The following SCAF4 variants were observed in gnomAD, a reference collection of about 807,000 sequenced individuals.
SCAF4 encodes SR-related CTD associated factor 4.
SCAF4 carries 25 observed loss-of-function variants against 129.8 expected under a neutral mutation model. That is an observed-to-expected ratio of 0.19 (90% CI 0.14 to 0.27). SCAF4 has a LOEUF of 0.27. Among genes scored for constraint, SCAF4 ranks in the 10% least tolerant of loss-of-function variants. The probability of loss-of-function intolerance (pLI) is 1.00; values close to 1 mark genes in which losing one functional copy is unlikely to be tolerated. For missense variants in SCAF4, 1,246 were observed against 1,457.1 expected (o/e 0.86, Z 2.36); for synonymous variants, 551 against 497.7 (o/e 1.11, Z -1.43).
In SCAF4 at chr21:31,731,938, C is replaced by T; in HGVS notation, c.-246G>A. On this transcript the variant is annotated 5_prime_UTR_variant, in exon 1 of 20. Transcript: ENST00000286835. ...GATGAGGAAAAGGAGGCGGCGGCAG[C>T]GCTGGTCTTCAACATGTCCGTTTGG... is the stretch of plus-strand genomic sequence containing the variant. 2.0e-6 allele frequency: 1 copy of T among 490,436 alleles called. No homozygotes were observed. The highest frequency in any genetic ancestry group is 3.5e-6 in the Non-Finnish European group (1 of 283,020). The allele number at this position is 490,436 out of a possible 1,614,324, so 30.4% of individuals were successfully genotyped here.
intron 7 of SCAF4, among the ~76,000 whole-genome samples, chr21:31,699,725 A>C (rs2050476194): frequency 6.6e-6 from 1 of 152,204 alleles, no homozygotes; most frequent in South Asian, 2.1e-4. Flanking sequence ...CAAAGGCATC[A>C]GTTCTGATTT....
chr21:31,726,510 G>A (rs1052614054), intron 1 of SCAF4, among the ~76,000 whole-genome samples: 8 of 151,840 alleles, frequency 5.3e-5, no homozygotes, highest in African/African-American at 1.9e-4. Flanking sequence ...GAAAAAAATT[G>A]AAAAATTAGC....
intron 19 of SCAF4, chr21:31,684,260 G>A (rs4816408): frequency 0.48 from 73,634 of 153,072 alleles, 18,401 homozygotes; most frequent in East Asian, 0.84. Flanking sequence ...TTAACTTCCA[G>A]TTAGGGGATT....
intron 19 of SCAF4, among the ~76,000 whole-genome samples, chr21:31,676,963 T>C (rs1014958689): frequency 5.3e-5 from 8 of 152,216 alleles, no homozygotes; most frequent in African/African-American, 1.7e-4. Context: ...TGTGGTCCTG[T>C]GTGACTGACT....
intron 19 of SCAF4, among the ~76,000 whole-genome samples, chr21:31,676,659 CTGTCT>C (rs1817533423): frequency 6.6e-6 from 1 of 152,180 alleles, no homozygotes; most frequent in Admixed American, 6.5e-5. Context: ...CTCCTTCATC[CTGTCT>C]ACTCTTAGTT....
intron 2 of SCAF4, 24 bp downstream of exon 2, chr21:31,706,250 C>G: frequency 6.9e-7 from 1 of 1,441,078 alleles, no homozygotes; most frequent in Non-Finnish European, 9.6e-7. Context: ...AAAGATTTCT[C>G]AAATTGCTTT....
At position 31,692,232 on chromosome 21, in the gene SCAF4, T is replaced by C. The variant is rs201033119; in HGVS notation, c.1614+117A>G. On this transcript the variant is annotated intron_variant, in intron 13 of 19. Transcript: ENST00000286835. Reference sequence around the variant, plus strand: ...TAAACGTGGACTCTGAACACCTAAATTCTAGTCACATCTATAAACCTGGGC... The same window carrying C: ...TAAACGTGGACTCTGAACACCTAAACTCTAGTCACATCTATAAACCTGGGC... The C allele has an allele frequency of 2.2e-4, 157 of 710,498 alleles. 1 individual carries two copies. In the East Asian group the frequency reaches 4.1e-3, roughly 19 times the overall value. 44.0% of individuals were successfully genotyped at this position (710,498 alleles called of 1,614,324 possible).
chr21:31,703,494 T>C (rs2050582528), intron 4 of SCAF4, among the ~76,000 whole-genome samples: 1 of 152,076 alleles, frequency 6.6e-6, no homozygotes, highest in South Asian at 2.1e-4. Context: ...ATGTTTCCCT[T>C]ACCCCTAGTC....
chr21:31,672,484 G>A, intron 19 of SCAF4, 130 bp from the exon 20 acceptor site: 1 of 762,986 alleles, frequency 1.3e-6, no homozygotes, highest in Non-Finnish European at 2.2e-6. Context: ...TTGCCACTCT[G>A]TCACAAACCC....
chr21:31,692,200 A>G, intron 13 of SCAF4, 149 bp downstream of exon 13: 2 of 610,438 alleles, frequency 3.3e-6, no homozygotes, highest in Middle Eastern at 5.5e-4. Context: ...TTAAATACAG[A>G]TAATTCTAAA....
rs1315088152 is a variant in SCAF4 at position 31,671,241 on chromosome 21, T to C, written c.*158A>G. On this transcript the variant is annotated 3_prime_UTR_variant, in exon 20 of 20. Coordinates refer to ENST00000286835, the MANE Select transcript of SCAF4 (RefSeq NM_020706.2). ...TCAGTATTTTTTGTTATTTTGTGGC[T>C]ATTTTTAAATAGAAGGGAAGCAATC... The C allele has an allele frequency of 8.3e-6, 5 of 605,656 alleles. No homozygotes were observed. Among genetic ancestry groups the C allele is most frequent in the Non-Finnish European group, 1.3e-5 (5 of 385,446 alleles). 37.5% of individuals were successfully genotyped at this position (605,656 alleles called of 1,614,324 possible). A position where few individuals can be genotyped will look rare whatever the true frequency, so the allele number is the denominator to read the frequency against.
chr21:31,688,551 A>T (rs1317255213), intron 15 of SCAF4, 87 bp from the exon 16 acceptor site: 2 of 1,105,860 alleles, frequency 1.8e-6, no homozygotes, highest in Non-Finnish European at 2.6e-6. Context: ...GATTATAAAA[A>T]CCTAGCCCAG....
chr21:31,702,011 T>A, intron 5 of SCAF4, 93 bp from the exon 6 acceptor site: 4 of 1,457,042 alleles, frequency 2.7e-6, no homozygotes, highest in Non-Finnish European at 3.7e-6. Context: ...TTTTATCCAA[T>A]TTAACAAAGT....
rs572651532 is a variant in SCAF4 at position 31,732,056 on chromosome 21, C to G, written c.-364G>C. ...GCCCGGCCGGCGAGCGGGCGGGCCT[C>G]TCTCTCCCTCTCTCCAGCGGGATGG... On this transcript the variant is annotated 5_prime_UTR_variant, in exon 1 of 20. Coordinates refer to ENST00000286835, the MANE Select transcript of SCAF4 (RefSeq NM_020706.2). 9.4e-4 allele frequency: 397 copies of G among 423,714 alleles called. 1 individual carries two copies. Among genetic ancestry groups the G allele is most frequent in the Non-Finnish European group, 1.3e-3 (324 of 242,826 alleles). 26.2% of individuals were successfully genotyped at this position (423,714 alleles called of 1,614,324 possible).
chr21:31,697,287 C>T (rs1292274740), intron 7 of SCAF4, among the ~76,000 whole-genome samples: 1 of 152,132 alleles, frequency 6.6e-6, no homozygotes, highest in Non-Finnish European at 1.5e-5. Flanking sequence ...GCTTCTTTCT[C>T]ATAACTTCAC....
At chr21:31,677,348 C>A (rs957672520) in intron 19 of SCAF4, among the ~76,000 whole-genome samples, 1 of 152,108 alleles carries the variant, frequency 6.6e-6, no homozygotes, top group African/African-American at 2.4e-5. Context: ...GTAGTTTTTG[C>A]CCATCTTTCA....
intron 1 of SCAF4, 131 bp downstream of exon 1, chr21:31,731,532 G>C: frequency 9.2e-7 from 1 of 1,090,210 alleles, no homozygotes; most frequent in Non-Finnish European, 1.3e-6. Flanking sequence ...CTCCGCGCAG[G>C]CCCCGCCGCC....
chr21:31,697,213 T>TA (rs1568842752), intron 7 of SCAF4, among the ~76,000 whole-genome samples: 2 of 151,330 alleles, frequency 1.3e-5, no homozygotes, highest in African/African-American at 4.9e-5. Context: ...TATACTAATA[T>TA]AAAAAAAGAA....
At chr21:31,721,768 C>T (rs1276128348) in intron 1 of SCAF4, among the ~76,000 whole-genome samples, 1 of 148,144 alleles carries the variant, frequency 6.8e-6, no homozygotes, top group East Asian at 2.0e-4. Context: ...GCTCTGTTGC[C>T]CGGGCTGGAG....
Sources: allele counts gnomAD v4.1 joint callset (sites outside exome capture counted in the v4.1 genomes callset), GRCh38; gene constraint gnomAD v4.1.1; transcripts MANE v1.5; gene names NCBI Gene and HGNC (gene_info 2026-07-23, HGNC 2026-07-21).